The following CEP63 variants were observed in gnomAD, a reference collection of about 807,000 sequenced individuals.
The protein encoded by CEP63 is centrosomal protein of 63 kDa.
CEP63 carries 84 observed loss-of-function variants against 89.1 expected under a neutral mutation model. The observed-to-expected ratio is 0.94, with a 90% CI of 0.79 to 1.13. The LOEUF is 1.13. CEP63 is among the 50% of genes most tolerant of loss of function. CEP63 has a pLI of 0.00. For synonymous variants in CEP63, 267 were observed against 272.5 expected, an observed-to-expected ratio of 0.98 and a Z score of 0.20; for missense variants, 838 against 813.3, an observed-to-expected ratio of 1.03 and a Z score of -0.37.
downstream of CEP63, among the ~76,000 whole-genome samples, chr3:134,579,186 A>G (rs1958288280): frequency 6.6e-6 from 1 of 152,268 alleles, no homozygotes; most frequent in Non-Finnish European, 1.5e-5. Flanking sequence ...TAAGAAGTAT[A>G]TAAGGCAACA....
the CEP63 span, chr3:134,603,957 C>G: frequency 6.2e-7 from 1 of 1,613,968 alleles, no homozygotes. Flanking sequence ...TGACAAAGAT[C>G]TTGAGGGCAA....
At chr3:134,501,858 G>A (rs1195314982) in intron 2 of CEP63, among the ~76,000 whole-genome samples, 6 of 152,106 alleles carry the variant, frequency 3.9e-5, no homozygotes, top group Non-Finnish European at 7.4e-5. Context: ...AGGACATCAA[G>A]TACTAGGTTG....
chr3:134,534,993 C>T (rs1950510871), intron 5 of CEP63, among the ~76,000 whole-genome samples: 2 of 152,258 alleles, frequency 1.3e-5, no homozygotes, highest in East Asian at 1.9e-4. Flanking sequence ...ATGCCCTCCC[C>T]CTTTTCTACC....
At position 134,486,149 on chromosome 3, in the gene CEP63, A is replaced by T. The variant is rs768684486; in HGVS notation, c.-79A>T. On this transcript the variant is annotated 5_prime_UTR_variant, in exon 1 of 15. Coordinates refer to ENST00000675561, the MANE Select transcript of CEP63 (RefSeq NM_001353108.3). ...AGTGGGCGGAACAAACGCGCCGACT[A>T]CAGAGGCTGGACGTAAGCTTAGCGG... 2.0e-6 allele frequency: 2 copies of T among 985,478 alleles called. No homozygotes were observed. Among genetic ancestry groups the T allele is most frequent in the African/African-American group, 3.5e-5 (2 of 57,258 alleles). 61.0% of individuals were successfully genotyped at this position (985,478 alleles called of 1,614,324 possible). A position where few individuals can be genotyped will look rare whatever the true frequency, so the allele number is the denominator to read the frequency against.
At chr3:134,691,599 CAG>C in the CEP63 span, among the ~76,000 whole-genome samples, 2 of 151,540 alleles carry the variant, frequency 1.3e-5, no homozygotes, top group African/African-American at 4.9e-5. Flanking sequence ...GCCTGGGTGA[CAG>C]AGAGAGATCT....
At chr3:134,529,868 A>AT (rs58922185) in intron 3 of CEP63, among the ~76,000 whole-genome samples, 91,435 of 103,162 alleles carry the variant, frequency 0.89, 41,262 homozygotes, top group East Asian at 0.97. Context: ...AGGTTAAGAA[A>AT]TTTTTTTTTT....
the CEP63 span, chr3:134,625,162 C>T: frequency 6.4e-7 from 1 of 1,565,328 alleles, no homozygotes. Context: ...CCTTGGTCAG[C>T]AGCTGAGACC....
chr3:134,654,939 T>C, the CEP63 span, among the ~76,000 whole-genome samples: 2 of 152,296 alleles, frequency 1.3e-5, no homozygotes, highest in Admixed American at 1.3e-4. Context: ...CCCCTGCTCT[T>C]GTCCCACACC....
intron 5 of CEP63, among the ~76,000 whole-genome samples, chr3:134,533,251 A>T (rs370829743): frequency 6.6e-6 from 1 of 152,222 alleles, no homozygotes; most frequent in African/African-American, 2.4e-5. Flanking sequence ...AGTGTTCCAC[A>T]CAGGAAGGAT....
chr3:134,748,069 C>T, the CEP63 span, among the ~76,000 whole-genome samples: 23 of 152,168 alleles, frequency 1.5e-4, no homozygotes, highest in African/African-American at 5.5e-4. Flanking sequence ...CAGGCATGAG[C>T]CACCACGCCC....
Position 134,549,207 on chromosome 3 carries a change from T to C in CEP63, c.1182+31T>C, listed in dbSNP as rs183820516. On this transcript the variant is annotated intron_variant, in intron 10 of 14. Transcript: ENST00000675561. ...AATCTGCATACCTAGGATTGCAAAA[T>C]TGTATGTGTTTATGGACAAAGCTGT... 8 of 1,306,912 alleles carry C rather than the reference T, an allele frequency of 6.1e-6. No homozygotes were observed. The African/African-American group carries it at 1.2e-4, about 19-fold the overall frequency. The allele number at this position is 1,306,912 out of a possible 1,614,324, so 81.0% of individuals were successfully genotyped here.
chr3:134,612,624 A>T, the CEP63 span, among the ~76,000 whole-genome samples: 95,379 of 151,938 alleles, frequency 0.63, 30,405 homozygotes, highest in East Asian at 0.87. Context: ...GGCCCCATCT[A>T]CTCAGAGACT....
Position 134,495,295 on chromosome 3 carries a change from G to A in CEP63, c.-25-1G>A, listed in dbSNP as rs1468272193. ...ATGACTGATATTTTTTTCTTTGTCA[G>A]TTGCCAAAACAAAGGGGATTTGGTG... On this transcript the variant is annotated splice_acceptor_variant, in intron 1 of 14. Transcript: ENST00000675561. LOFTEE classifies it low-confidence loss of function (5UTR_SPLICE). 6 of 1,609,198 alleles carry A rather than the reference G, an allele frequency of 3.7e-6. No individual in the cohort carries two copies. The highest frequency in any genetic ancestry group is 5.1e-6 in the Non-Finnish European group (6 of 1,175,746).
chr3:134,749,606 G>C, the CEP63 span, among the ~76,000 whole-genome samples: 4 of 144,818 alleles, frequency 2.8e-5, no homozygotes, highest in Non-Finnish European at 3.0e-5. Context: ...GGGTCTGTGT[G>C]TGCAACCGGG....
At chr3:134,559,541 A>G (rs1956963006) in intron 14 of CEP63, 112 bp downstream of exon 14, 1 of 887,010 alleles carries the variant, frequency 1.1e-6, no homozygotes, top group African/African-American at 1.7e-5. Context: ...CTTTTATCAT[A>G]AGTACTCTTC....
intron 3 of CEP63, among the ~76,000 whole-genome samples, chr3:134,528,395 A>G (rs1949101068): frequency 6.6e-6 from 1 of 152,172 alleles, no homozygotes; most frequent in African/African-American, 2.4e-5. Flanking sequence ...AACCTTGGTC[A>G]AAGAACTCTT....
chr3:134,633,505 A>G, the CEP63 span, among the ~76,000 whole-genome samples: 1 of 152,152 alleles, frequency 6.6e-6, no homozygotes, highest in South Asian at 2.1e-4. Context: ...ACAAACTACT[A>G]GGATCACACC....
the CEP63 span, among the ~76,000 whole-genome samples, chr3:134,732,854 C>T: frequency 6.6e-6 from 1 of 152,084 alleles, no homozygotes; most frequent in African/African-American, 2.4e-5. Flanking sequence ...TATAAACTTA[C>T]AAATTAGCTT....
At chr3:134,735,441 AC>A in the CEP63 span, among the ~76,000 whole-genome samples, 1 of 152,168 alleles carries the variant, frequency 6.6e-6, no homozygotes, top group Non-Finnish European at 1.5e-5. Flanking sequence ...GCAGTTTAAC[AC>A]CATGCTTAGT....
Sources: gnomAD v4.1 joint callset for allele counts (sites outside exome capture counted in the v4.1 genomes callset) on GRCh38, gnomAD v4.1.1 for gene constraint, MANE v1.5 for transcripts, NCBI Gene and HGNC (gene_info 2026-07-23, HGNC 2026-07-21) for gene names.